ZNF557: variants seen among roughly 807,000 people sequenced by gnomAD.
ZNF557 encodes CTB-25J19.9.
ZNF557 carries 19 observed loss-of-function variants against 21.2 expected under a neutral mutation model. That is an observed-to-expected ratio of 0.90 (90% CI 0.63 to 1.32). ZNF557 has a LOEUF of 1.32. Among genes scored for constraint, ZNF557 ranks in the 40% most tolerant of loss-of-function variants. The pLI is 0.00. For missense variants in ZNF557, 487 were observed against 519.8 expected (o/e 0.94, Z 0.61); for synonymous variants, 207 against 194.8 (o/e 1.06, Z -0.52).
At position 7,085,333 on chromosome 19, in the gene ZNF557, T is replaced by A. The variant is rs1599846583; in HGVS notation, c.*1589T>A. On this transcript the variant is annotated 3_prime_UTR_variant, in exon 8 of 8. Coordinates refer to ENST00000252840, the MANE Select transcript of ZNF557 (RefSeq NM_024341.3). Reference sequence around the variant, plus strand: ...GACTGTAGGCATGCACCACCATGCCTGTCTAGTTTTTGTAAAGATGGGGAT... The same window carrying A: ...GACTGTAGGCATGCACCACCATGCCAGTCTAGTTTTTGTAAAGATGGGGAT... The A allele has an allele frequency of 6.6e-6, 1 of 152,006 alleles. No individual in the cohort carries two copies. Among genetic ancestry groups the A allele is most frequent in the South Asian group, 2.1e-4 (1 of 4,822 alleles). The allele number at this position is 152,006 out of a possible 1,614,324, so 9.4% of individuals were successfully genotyped here. A position where few individuals can be genotyped will look rare whatever the true frequency, so the allele number is the denominator to read the frequency against.
At position 7,081,902 on chromosome 19, in the gene ZNF557, C is replaced by G. The variant is rs1413139073; in HGVS notation, c.344-68C>G. ...TGCCTTCACTCACGTATGCATTTTA[C>G]TATTTCACCATCAACTTAAAATTTG... On this transcript the variant is annotated intron_variant, in intron 6 of 7. Coordinates refer to ENST00000252840, the MANE Select transcript of ZNF557 (RefSeq NM_024341.3). 3.3e-6 allele frequency: 4 copies of G among 1,224,678 alleles called. No individual in the cohort carries two copies. In the East Asian group the frequency reaches 9.3e-5, roughly 28 times the overall value. The allele number at this position is 1,224,678 out of a possible 1,614,324, so 75.9% of individuals were successfully genotyped here.
At chr19:7,076,628 C>A in intron 5 of ZNF557, 121 bp downstream of exon 5, 1 of 1,426,822 alleles carries the variant, frequency 7.0e-7, no homozygotes, top group Non-Finnish European at 9.3e-7. Context: ...TTAAAGTGTC[C>A]AATTTGGTGG....
At chr19:7,079,235 T>G (rs1397021536) in intron 5 of ZNF557, among the ~76,000 whole-genome samples, 1 of 126,638 alleles carries the variant, frequency 7.9e-6, no homozygotes, top group African/African-American at 3.0e-5. Context: ...ATTCATTTTT[T>G]GTTTCTTTTT....
chr19:7,079,449 C>T (rs950210199), intron 5 of ZNF557, among the ~76,000 whole-genome samples: 4 of 151,244 alleles, frequency 2.6e-5, no homozygotes, highest in South Asian at 2.1e-4. Flanking sequence ...ACCGTGTTAG[C>T]CAGGATGATC....
At chr19:7,080,261 A>AC (rs769537723) in intron 5 of ZNF557, among the ~76,000 whole-genome samples, 5 of 152,086 alleles carry the variant, frequency 3.3e-5, no homozygotes, top group Non-Finnish European at 5.9e-5. Context: ...CCGAGATCAC[A>AC]CCACTGCACT....
At chr19:7,081,198 T>A (rs1051982110) in intron 5 of ZNF557, among the ~76,000 whole-genome samples, 162 bp from the exon 6 acceptor site, 16 of 38,218 alleles carry the variant, frequency 4.2e-4, no homozygotes, top group East Asian at 3.3e-3. Context: ...TGTGTGTGTG[T>A]GTGAGTGTTT....
At chr19:7,074,628 G>A (rs1216217702) in intron 2 of ZNF557, among the ~76,000 whole-genome samples, 1 of 150,906 alleles carries the variant, frequency 6.6e-6, no homozygotes, top group Non-Finnish European at 1.5e-5. Flanking sequence ...TGAGAGTGGG[G>A]AGTGGGGAGG....
intron 6 of ZNF557, 42 bp downstream of exon 6, chr19:7,081,497 T>C: frequency 7.4e-7 from 1 of 1,352,826 alleles, no homozygotes; most frequent in Non-Finnish European, 1.1e-6. Flanking sequence ...GGAACAGCTC[T>C]GGCCAGGGAC....
intron 2 of ZNF557, among the ~76,000 whole-genome samples, chr19:7,074,326 GTA>G (rs200460434): frequency 2.9e-4 from 9 of 30,662 alleles, no homozygotes; most frequent in South Asian, 8.9e-4. Flanking sequence ...ATCTTTGTGT[GTA>G]TATACACACA....
rs1977770011 is a variant in ZNF557, at chr19:7,083,633, C to T, written c.1182C>T (p.His394=). The stretch of plus-strand genomic sequence containing the variant: ...ATGTTCTCTCATCCGTTAAGAAACA[C>T]ATGAGAACTCACACTGGAAAAAAAC... The part of the protein sequence containing the change: ...SFNVLSSVKK[H]MRTHTGKKPY... The change falls in exon 8 of 8, where the codon CAC becomes CAT. Residue 394 remains histidine (H), a synonymous_variant. Coordinates refer to ENST00000252840, the MANE Select transcript of ZNF557 (RefSeq NM_024341.3). The T allele has an allele frequency of 6.2e-7, 1 of 1,613,938 alleles. No individual in the cohort carries two copies. The highest frequency in any genetic ancestry group is 8.5e-7 in the Non-Finnish European group (1 of 1,179,946).
intron 2 of ZNF557, among the ~76,000 whole-genome samples, chr19:7,072,750 G>A (rs904374732): frequency 6.6e-6 from 1 of 152,102 alleles, no homozygotes; most frequent in African/African-American, 2.4e-5. Flanking sequence ...TCCTGGGTTG[G>A]ATGCCATGTG....
At chr19:7,070,529 C>T (rs1403703088) in intron 1 of ZNF557, 33 bp from the exon 2 acceptor site, 1 of 152,110 alleles carries the variant, frequency 6.6e-6, no homozygotes, top group East Asian at 1.9e-4. Context: ...TACAAAAGGC[C>T]TCATAAGCGA....
At position 7,085,750 on chromosome 19, in the gene ZNF557, G is replaced by T. The variant is rs1361006582; in HGVS notation, c.*2006G>T. 1 of 152,140 alleles carries T rather than the reference G, an allele frequency of 6.6e-6. No individual in the cohort carries two copies. Among genetic ancestry groups the T allele is most frequent in the Non-Finnish European group, 1.5e-5 (1 of 68,018 alleles). The allele number at this position is 152,140 out of a possible 1,614,324, so 9.4% of individuals were successfully genotyped here. A position where few individuals can be genotyped will look rare whatever the true frequency, so the allele number is the denominator to read the frequency against. On this transcript the variant is annotated 3_prime_UTR_variant, in exon 8 of 8. Coordinates refer to ENST00000252840, the MANE Select transcript of ZNF557 (RefSeq NM_024341.3). Reference sequence around the variant, plus strand: ...TACCTTCATCAATGTCTCATTTGTAGGTTGGGCCACTAGCTCGTTCATTTT... The same window carrying T: ...TACCTTCATCAATGTCTCATTTGTATGTTGGGCCACTAGCTCGTTCATTTT...
chr19:7,080,727 G>C (rs1977682586), intron 5 of ZNF557, among the ~76,000 whole-genome samples: 1 of 152,198 alleles, frequency 6.6e-6, no homozygotes, highest in South Asian at 2.1e-4. Context: ...CTCTTACCCA[G>C]ATTCAGCTGT....
intron 5 of ZNF557, among the ~76,000 whole-genome samples, chr19:7,077,801 A>T (rs549643043): frequency 2.6e-4 from 40 of 152,240 alleles, no homozygotes; most frequent in African/African-American, 9.4e-4. Context: ...CTGCATCCTT[A>T]CCAACATTTG....
chr19:7,079,532 G>A lies in ZNF557; in HGVS notation c.248-1828G>A, dbSNP rs78636476. On this transcript the variant is annotated intron_variant, in intron 5 of 7. Coordinates refer to ENST00000252840, the MANE Select transcript of ZNF557 (RefSeq NM_024341.3). Reference sequence around the variant, plus strand: ...TGGGATTACAGCCATGAGCCACCGCGCCCGGCCCATTTTTTTGTTTCTTTA... The same window carrying A: ...TGGGATTACAGCCATGAGCCACCGCACCCGGCCCATTTTTTTGTTTCTTTA... 5.4e-4 allele frequency among the ~76,000 whole-genome samples: 82 copies of A among 152,114 alleles called. No individual in the cohort carries two copies. The East Asian group carries it at 8.5e-3, about 16-fold the overall frequency.
chr19:7,079,435 G>GAGT (rs1555729906), intron 5 of ZNF557, among the ~76,000 whole-genome samples: 3 of 151,248 alleles, frequency 2.0e-5, no homozygotes, highest in South Asian at 2.1e-4. Context: ...TAGAGACAGG[G>GAGT]TTCACCGTGT....
intron 5 of ZNF557, among the ~76,000 whole-genome samples, chr19:7,079,455 T>G (rs935689609): frequency 2.6e-5 from 4 of 151,990 alleles, no homozygotes; most frequent in South Asian, 2.1e-4. Flanking sequence ...TTAGCCAGGA[T>G]GATCTCGATC....
chr19:7,078,263 C>T (rs549407531), intron 5 of ZNF557, among the ~76,000 whole-genome samples: 2 of 152,172 alleles, frequency 1.3e-5, no homozygotes, highest in East Asian at 3.9e-4. Flanking sequence ...TTATTTCTCC[C>T]TTGCCATTTT....
Sources: gnomAD v4.1 joint callset for allele counts (sites outside exome capture counted in the v4.1 genomes callset) on GRCh38, gnomAD v4.1.1 for gene constraint, MANE v1.5 for transcripts, NCBI Gene and HGNC (gene_info 2026-07-23, HGNC 2026-07-21) for gene names.